Variants in HMCN2 observed in about 807,000 individuals in gnomAD.
HMCN2 encodes hemicentin-2.
In HMCN2, 325 loss-of-function variants were observed where a neutral mutation model predicts 377.5. That is an observed-to-expected ratio of 0.86 (90% CI 0.79 to 0.94). HMCN2 has a LOEUF of 0.94. Among genes scored for constraint, HMCN2 ranks in the 40% least tolerant of loss-of-function variants. The pLI, the probability that HMCN2 is intolerant of heterozygous loss-of-function variation, is 0.00. For missense variants in HMCN2, 4,543 were observed against 4,725.3 expected (o/e 0.96, Z 1.13); for synonymous variants, 2,007 against 2,046.8 (o/e 0.98, Z 0.53).
At chr9:130,277,772 C>CCAT (rs373075555) in intron 1 of HMCN2, among the ~76,000 whole-genome samples, 5 of 96,640 alleles carry the variant, frequency 5.2e-5, no homozygotes, top group Non-Finnish European at 1.1e-4. Flanking sequence ...ATCACCACCA[C>CCAT]CATCATCATC....
chr9:130,399,505 C>G lies in HMCN2; in HGVS notation c.11484-6C>G, dbSNP rs1257056582. The G allele has an allele frequency of 1.6e-6, 2 of 1,281,464 alleles. No individual in the cohort carries two copies. Among genetic ancestry groups the G allele is most frequent in the South Asian group, 2.5e-5 (2 of 80,326 alleles). 79.4% of individuals were successfully genotyped at this position (1,281,464 alleles called of 1,614,324 possible). On this transcript the variant is annotated splice_polypyrimidine_tract_variant and splice_region_variant and intron_variant, in intron 75 of 97. Transcript: ENST00000683500. ...AGCCACTTGGCCGTCTGTCTGTCCA[C>G]CCCAGGCTCCTGCCCTCCAACGCCC...
rs1470495619 is a variant in HMCN2 at position 130,351,514 on chromosome 9, T to C, written c.4522T>C (p.Tyr1508His). Residue 1508 changes from tyrosine (Y) to histidine (H), a missense_variant, in exon 30 of 98, where the codon TAC becomes CAC. By Grantham distance (83) the Tyr-to-His change is moderately conservative. This residue lies in a region of HMCN2 where 1,032 missense variants were observed against 1,285.1 expected (regional missense o/e 0.80). Coordinates refer to ENST00000683500, the MANE Select transcript of HMCN2 (RefSeq NM_001291815.2). This position sits in a 1 kb window ranked among gnomAD's most constrained non-coding sequence, Gnocchi z 5.4. ...CAGTCACGTGGGGGATGAGGGACGATACCAGTGCGTGGCCTTCAGCCCAGC... is the reference window on the plus strand; with the variant it reads ...CAGTCACGTGGGGGATGAGGGACGACACCAGTGCGTGGCCTTCAGCCCAGC... ...TGSHVGDEGRYQCVAFSPAGQ... is the reference protein window; with the variant it reads ...TGSHVGDEGRHQCVAFSPAGQ... 1 of 1,304,250 alleles carries C rather than the reference T, an allele frequency of 7.7e-7. No individual in the cohort carries two copies. The highest frequency in any genetic ancestry group is 1.2e-5 in the South Asian group (1 of 81,020). The allele number at this position is 1,304,250 out of a possible 1,614,324, so 80.8% of individuals were successfully genotyped here.
rs1255344297 is a variant in HMCN2 at position 130,428,613 on chromosome 9, A to G, written c.14197+124A>G. 7.5e-7 allele frequency: 1 copy of G among 1,328,946 alleles called. No individual in the cohort carries two copies. The highest frequency in any genetic ancestry group is 1.0e-6 in the Non-Finnish European group (1 of 981,984). 82.3% of individuals were successfully genotyped at this position (1,328,946 alleles called of 1,614,324 possible). ...TTCCAGGAAGACTGGGACTCTTGGC[A>G]GAAGGAGTACAGCAAGGCTGGGGAC... On this transcript the variant is annotated intron_variant, in intron 93 of 97. Transcript: ENST00000683500. The surrounding 1 kb of genome is among the most constrained non-coding windows in gnomAD (Gnocchi z 5.0).
intron 7 of HMCN2, among the ~76,000 whole-genome samples, chr9:130,297,608 C>T (rs529608501): frequency 1.3e-5 from 2 of 152,334 alleles, no homozygotes; most frequent in East Asian, 3.9e-4. Context: ...TGACTCTGGA[C>T]CCTGAACAGT....
rs1353817051 is a variant in HMCN2 at position 130,405,184 on chromosome 9, G to A, written c.12339+125G>A. Reference sequence around the variant, plus strand: ...CTGGGGAAATCAGTGTCACCATCCCGGGTACAGACAGCCAGAACTGAGGCT... The same window carrying A: ...CTGGGGAAATCAGTGTCACCATCCCAGGTACAGACAGCCAGAACTGAGGCT... On this transcript the variant is annotated intron_variant, in intron 81 of 97. Coordinates refer to ENST00000683500, the MANE Select transcript of HMCN2 (RefSeq NM_001291815.2). 19 of 637,218 alleles carry A rather than the reference G, an allele frequency of 3.0e-5. 1 individual carries two copies. The East Asian group carries it at 4.0e-4, about 13-fold the overall frequency. The allele number at this position is 637,218 out of a possible 1,614,324, so 39.5% of individuals were successfully genotyped here.
rs764209832 is a variant in HMCN2 at position 130,399,541 on chromosome 9, G to A, written c.11514G>A (p.Thr3838=). ...RLLPSNALLL[T]APGPQDSAQF... is the part of the protein sequence containing the mutation. ...TGCCCTCCAACGCCCTGCTCCTCACGGCCCCCGGCCCCCAGGACTCAGCCC... is the reference window on the plus strand; with the variant it reads ...TGCCCTCCAACGCCCTGCTCCTCACAGCCCCCGGCCCCCAGGACTCAGCCC... Residue 3838 remains threonine, a synonymous_variant, in exon 76 of 98, where the codon ACG becomes ACA. Transcript: ENST00000683500. 13 of 1,289,210 alleles carry A rather than the reference G, an allele frequency of 1.0e-5. No individual in the cohort carries two copies. The highest frequency in any genetic ancestry group is 4.6e-5 in the Admixed American group (2 of 43,532). The allele number at this position is 1,289,210 out of a possible 1,614,324, so 79.9% of individuals were successfully genotyped here.
intron 86 of HMCN2, among the ~76,000 whole-genome samples, chr9:130,421,340 T>G (rs1843995212): frequency 6.6e-6 from 1 of 152,176 alleles, no homozygotes; most frequent in Admixed American, 6.5e-5. Context: ...CCCTGAAGAT[T>G]TCTGTGGGAC....
intron 85 of HMCN2, among the ~76,000 whole-genome samples, chr9:130,417,703 C>T (rs1843774441): frequency 6.6e-6 from 1 of 152,118 alleles, no homozygotes; most frequent in Non-Finnish European, 1.5e-5. Context: ...GGCTCTCCCC[C>T]AGAACCTCTG....
rs1842918796 is a variant in HMCN2, at chr9:130,402,837, C to G, written c.11819C>G (p.Thr3940Ser). 1 of 1,289,678 alleles carries G rather than the reference C, an allele frequency of 7.8e-7. No homozygotes were observed. The allele number at this position is 1,289,678 out of a possible 1,614,324, so 79.9% of individuals were successfully genotyped here. Reference protein sequence around the residue: ...QALPIHAGRYTCSARNSAGVA... With the variant: ...QALPIHAGRYSCSARNSAGVA... ...CTCCCCATCCACGCAGGCCGCTACA[C>G]CTGCTCAGCCCGCAACTCTGCCGGC... Residue 3940 changes from threonine (T) to serine (S), a missense_variant, in exon 78 of 98, where the codon ACC becomes AGC. Transcript: ENST00000683500.
intron 84 of HMCN2, among the ~76,000 whole-genome samples, chr9:130,409,321 G>A (rs544602514): frequency 6.6e-6 from 1 of 152,326 alleles, no homozygotes; most frequent in African/African-American, 2.4e-5. Context: ...CTGAAGTTCA[G>A]AGAGGCCCAC....
chr9:130,391,412 C>T (rs111548646), intron 64 of HMCN2, 38 bp from the exon 65 acceptor site: 1 of 987,850 alleles, frequency 1.0e-6, no homozygotes, highest in African/African-American at 1.7e-5. Flanking sequence ...CCCATGTTCC[C>T]TTACGCCTCT....
Position 130,424,847 on chromosome 9 carries a change from G to A in HMCN2, c.13453G>A (p.Ala4485Thr), listed in dbSNP as rs1368870698. 6.7e-7 allele frequency: 1 copy of A among 1,491,382 alleles called. No individual in the cohort carries two copies. Among genetic ancestry groups the A allele is most frequent in the East Asian group, 2.5e-5 (1 of 40,028 alleles). The allele number at this position is 1,491,382 out of a possible 1,614,324, so 92.4% of individuals were successfully genotyped here. Residue 4485 changes from alanine to threonine, a missense_variant, in exon 88 of 98, where the codon GCC becomes ACC. By Grantham distance (58) the Ala-to-Thr change is moderately conservative (BLOSUM62 0). Transcript: ENST00000683500. ...GGCCCTGGCCAGAGAGAGTGGGGAA[G>A]CCCTGAATGGCCACTCTCTGACTGG... ...YWALARESGE[A>T]LNGHSLTGGR... is the part of the protein sequence containing the mutation.
chr9:130,426,004 C>G (rs10125447), intron 90 of HMCN2, 80 bp downstream of exon 90: 521,423 of 1,044,342 alleles, frequency 0.5, 133,047 homozygotes, highest in Middle Eastern at 0.62. Flanking sequence ...TGGCTGGAAT[C>G]CACCCCTGCC....
intron 76 of HMCN2, among the ~76,000 whole-genome samples, chr9:130,400,103 A>T (rs1473422255): frequency 6.6e-6 from 1 of 151,854 alleles, no homozygotes; most frequent in Non-Finnish European, 1.5e-5. Flanking sequence ...TGCCGGGAAC[A>T]CTCTTCCCCT....
In HMCN2 at chr9:130,433,505, C is replaced by G. The variant is rs1844893792; in HGVS notation, c.15052C>G (p.Leu5018Val). 1 of 1,494,414 alleles carries G rather than the reference C, an allele frequency of 6.7e-7. No homozygotes were observed. Among genetic ancestry groups the G allele is most frequent in the African/African-American group, 1.5e-5 (1 of 68,416 alleles). The allele number at this position is 1,494,414 out of a possible 1,614,324, so 92.6% of individuals were successfully genotyped here. Reference sequence around the variant, plus strand: ...CGGCGTCCCCGCCAACCGCACCGAGCTCAGCATGCTGGAGCCCGACCCCCG... The same window carrying G: ...CGGCGTCCCCGCCAACCGCACCGAGGTCAGCATGCTGGAGCCCGACCCCCG... ...EVGVPANRTE[L>V]SMLEPDPRSP... is the part of the protein sequence containing the mutation. The change falls in exon 98 of 98, where the codon CTC becomes GTC. Residue 5018 changes from leucine to valine, a missense_variant. Around this residue, in one of 5 missense-constraint regions of HMCN2, gnomAD observed 1,155 missense variants for 1,157.7 expected, o/e 1.00. Coordinates refer to ENST00000683500, the MANE Select transcript of HMCN2 (RefSeq NM_001291815.2).
At chr9:130,356,008 T>G (rs1840006598) in intron 33 of HMCN2, 80 bp from the exon 34 acceptor site, 1 of 1,023,924 alleles carries the variant, frequency 9.8e-7, no homozygotes. Context: ...TGGGAGGAAC[T>G]TCTAGGTTTC....
Position 130,406,017 on chromosome 9 carries a change from C to G in HMCN2, c.12402C>G (p.Arg4134=). 2 of 1,289,828 alleles carry G rather than the reference C, an allele frequency of 1.6e-6. No homozygotes were observed. Among genetic ancestry groups the G allele is most frequent in the African/African-American group, 1.5e-5 (1 of 65,994 alleles). The allele number at this position is 1,289,828 out of a possible 1,614,324, so 79.9% of individuals were successfully genotyped here. A position where few individuals can be genotyped will look rare whatever the true frequency, so the allele number is the denominator to read the frequency against. Residue 4134 remains arginine, a synonymous_variant, in exon 82 of 98, where the codon CGC becomes CGG. Transcript: ENST00000683500. ...ACGCCGTGGGCCGGGCCCGCCGCCG[C>G]GTGCACCTCACCATCCTGGTACTGC... is the stretch of plus-strand genomic sequence containing the variant. The part of the protein sequence containing the change: ...AENAVGRARR[R]VHLTILVLPV...
chr9:130,290,873 A>C (rs201087638), intron 4 of HMCN2, among the ~76,000 whole-genome samples: 8 of 151,648 alleles, frequency 5.3e-5, no homozygotes, highest in African/African-American at 1.7e-4. Flanking sequence ...AAAAAAAAAA[A>C]AAAAAAACAA....
chr9:130,403,553 G>A (rs1424340524), intron 79 of HMCN2, among the ~76,000 whole-genome samples, 188 bp from the exon 80 acceptor site: 3 of 152,220 alleles, frequency 2.0e-5, no homozygotes, highest in East Asian at 1.9e-4. Flanking sequence ...CGGTGGCTGA[G>A]GTGGGAGGTC....
Sources: allele counts gnomAD v4.1 joint callset (sites outside exome capture counted in the v4.1 genomes callset), GRCh38; gene constraint gnomAD v4.1.1; regional missense constraint gnomAD v4.1.1; non-coding constraint Gnocchi (gnomAD v3.1); transcripts MANE v1.5; gene names NCBI Gene and HGNC (gene_info 2026-07-23, HGNC 2026-07-21).